DLGAP1: variants seen among roughly 807,000 people sequenced by gnomAD.
DLGAP1 encodes disks large-associated protein 1.
In DLGAP1, 11 loss-of-function variants were observed where a neutral mutation model predicts 90.8. The ratio of observed to expected loss-of-function variants is 0.12; its 90% CI spans 0.08 to 0.20. The LOEUF (loss-of-function observed/expected upper bound fraction) is 0.20, where lower values mean the gene tolerates loss of function less well. DLGAP1 is among the 10% of genes least tolerant of loss of function. DLGAP1 has a pLI of 1.00. For missense variants in DLGAP1, 1,050 were observed against 1,333.8 expected (o/e 0.79, Z 3.31); for synonymous variants, 558 against 540.7 (o/e 1.03, Z -0.44).
intron 9 of DLGAP1, among the ~76,000 whole-genome samples, chr18:3,539,588 A>G (rs527764871): frequency 2.6e-5 from 4 of 152,342 alleles, no homozygotes; most frequent in Admixed American, 6.5e-5. Context: ...ATTTCTAACT[A>G]GAGGAGTTTC....
At chr18:3,720,640 T>A (rs1305331979) in intron 7 of DLGAP1, among the ~76,000 whole-genome samples, 1 of 152,126 alleles carries the variant, frequency 6.6e-6, no homozygotes, top group African/African-American at 2.4e-5. Context: ...CCAGTGTTAA[T>A]TACATGGACA....
chr18:4,155,806 G>C (rs922704535), intron 1 of DLGAP1, among the ~76,000 whole-genome samples: 1 of 152,104 alleles, frequency 6.6e-6, no homozygotes, highest in Non-Finnish European at 1.5e-5. Context: ...TGAAAAGGGG[G>C]CCATGGCAGG....
chr18:4,148,710 C>T (rs1196593809), intron 2 of DLGAP1, among the ~76,000 whole-genome samples: 3 of 152,202 alleles, frequency 2.0e-5, no homozygotes, highest in Non-Finnish European at 2.9e-5. Context: ...GCCCTTTCTC[C>T]TGTCCCCTCC....
intron 1 of DLGAP1, among the ~76,000 whole-genome samples, chr18:4,258,008 T>TGTGTGTGC (rs776564178): frequency 1.6e-4 from 23 of 140,944 alleles, no homozygotes; most frequent in Admixed American, 1.2e-3. Flanking sequence ...TGTGTGTGTG[T>TGTGTGTGC]GTGCGCGCGC....
rs181325157 is a variant in DLGAP1, at chr18:4,454,147, G to A, written c.-267+859C>T. ...CGCGCCTTCCGCAAAAAGCGCAGCA[G>A]CCGAAGTCCTGAAAGCAGGGTCTTC... On this transcript the variant is annotated intron_variant, in intron 1 of 12. Transcript: ENST00000315677. This position sits in a 1 kb window ranked among gnomAD's most constrained non-coding sequence, Gnocchi z 4.7. Among the ~76,000 whole-genome samples the A allele has an allele frequency of 8.5e-4, 129 of 152,336 alleles. No individual in the cohort carries two copies. The highest frequency in any genetic ancestry group is 1.7e-3 in the South Asian group (8 of 4,830).
intron 1 of DLGAP1, among the ~76,000 whole-genome samples, chr18:4,402,967 A>G (rs16946691): frequency 0.1 from 15,444 of 152,246 alleles, 876 homozygotes; most frequent in African/African-American, 0.12. Context: ...ATTGCAAAAG[A>G]TAATGGCTCA....
At chr18:3,878,562 G>A (rs925624285) in intron 4 of DLGAP1, among the ~76,000 whole-genome samples, 4 of 152,154 alleles carry the variant, frequency 2.6e-5, no homozygotes, top group East Asian at 1.9e-4. Flanking sequence ...GGCACAGGGC[G>A]TCTTCCTGAT....
intron 5 of DLGAP1, among the ~76,000 whole-genome samples, chr18:3,791,122 T>C (rs1357591131): frequency 6.6e-6 from 1 of 152,204 alleles, no homozygotes; most frequent in African/African-American, 2.4e-5. Context: ...ACTATGATGA[T>C]GTTTCTGGGG....
intron 5 of DLGAP1, among the ~76,000 whole-genome samples, chr18:3,764,842 G>A (rs1191010751): frequency 1.3e-5 from 2 of 152,078 alleles, no homozygotes; most frequent in African/African-American, 4.8e-5. Flanking sequence ...TCTTATTTGT[G>A]GTAGTTATCT....
chr18:4,019,090 A>G (rs962693822), intron 2 of DLGAP1, among the ~76,000 whole-genome samples: 3 of 152,164 alleles, frequency 2.0e-5, no homozygotes, highest in Non-Finnish European at 4.4e-5. Context: ...AACATCTAAA[A>G]TTCTTGCGAA....
intron 10 of DLGAP1, among the ~76,000 whole-genome samples, chr18:3,509,551 T>G (rs963443158): frequency 6.6e-6 from 1 of 152,184 alleles, no homozygotes; most frequent in Non-Finnish European, 1.5e-5. Flanking sequence ...CAGGGTGTTC[T>G]TAACATGCTC....
rs1224536618 is a variant in DLGAP1, at chr18:3,711,919, G to C, written c.1591+17216C>G. Among the ~76,000 whole-genome samples the C allele has an allele frequency of 3.3e-5, 5 of 152,170 alleles. No homozygotes were observed. Among genetic ancestry groups the C allele is most frequent in the Admixed American group, 3.3e-4 (5 of 15,282 alleles). ...TGAGGTTGTGGTTTAGGGATGGGGA[G>C]TGTGGGGATGGGCTGTGGGAAGGGA... is the stretch of plus-strand genomic sequence containing the variant. On this transcript the variant is annotated intron_variant, in intron 7 of 12. Transcript: ENST00000315677. The surrounding 1 kb of genome is among the most constrained non-coding windows in gnomAD (Gnocchi z 4.0).
chr18:4,409,923 C>T (rs919634756), intron 1 of DLGAP1, among the ~76,000 whole-genome samples: 4 of 151,932 alleles, frequency 2.6e-5, no homozygotes, highest in Admixed American at 6.6e-5. Context: ...CGTCAGTCAA[C>T]GAGTGGATAA....
intron 2 of DLGAP1, among the ~76,000 whole-genome samples, chr18:4,099,747 A>G (rs1422661237): frequency 6.7e-6 from 1 of 148,804 alleles, no homozygotes; most frequent in African/African-American, 2.5e-5. Context: ...ACTGTCACTC[A>G]GCCTGGAGTG....
intron 2 of DLGAP1, among the ~76,000 whole-genome samples, chr18:4,101,367 T>C (rs571784392): frequency 1.3e-5 from 2 of 152,268 alleles, no homozygotes; most frequent in East Asian, 3.9e-4. Flanking sequence ...GTTTGCTGCC[T>C]TATATGGGTG....
intron 7 of DLGAP1, among the ~76,000 whole-genome samples, chr18:3,637,574 CAAAA>C (rs35620201): frequency 1.1e-3 from 103 of 94,938 alleles, no homozygotes; most frequent in African/African-American, 3.1e-3. Context: ...TCTCCCCCAC[CAAAA>C]AAAAAAAAAA....
chr18:4,052,194 C>T (rs778916178), intron 2 of DLGAP1, among the ~76,000 whole-genome samples: 7 of 152,340 alleles, frequency 4.6e-5, no homozygotes, highest in Non-Finnish European at 7.3e-5. Flanking sequence ...TAGGCAGTGT[C>T]CCACTGGTGA....
intron 2 of DLGAP1, among the ~76,000 whole-genome samples, chr18:4,020,947 C>G (rs1436521625): frequency 6.6e-6 from 1 of 152,100 alleles, no homozygotes; most frequent in Non-Finnish European, 1.5e-5. Flanking sequence ...CTGACACCAC[C>G]CAGACTGGTA....
intron 1 of DLGAP1, among the ~76,000 whole-genome samples, chr18:4,306,961 G>A (rs930390608): frequency 1.3e-5 from 2 of 152,098 alleles, no homozygotes; most frequent in Non-Finnish European, 2.9e-5. Context: ...TCAATAGCAC[G>A]TTAATTTTAA....
Sources: gnomAD v4.1 joint callset for allele counts (sites outside exome capture counted in the v4.1 genomes callset) on GRCh38, gnomAD v4.1.1 for gene constraint, Gnocchi (gnomAD v3.1) non-coding constraint, MANE v1.5 for transcripts, NCBI Gene and HGNC (gene_info 2026-07-23, HGNC 2026-07-21) for gene names.